The following CLVS1 variants were observed in gnomAD, a reference collection of about 807,000 sequenced individuals.
The protein encoded by CLVS1 is clavesin-1.
CLVS1 carries 10 observed loss-of-function variants against 33.1 expected under a neutral mutation model. The ratio of observed to expected loss-of-function variants is 0.30; its 90% CI spans 0.19 to 0.51. CLVS1 has a LOEUF of 0.51. Among genes scored for constraint, CLVS1 ranks in the 20% least tolerant of loss-of-function variants. The pLI is 0.97. For synonymous variants in CLVS1, 163 were observed against 166.1 expected, an observed-to-expected ratio of 0.98 and a Z score of 0.14; for missense variants, 343 against 433.4, an observed-to-expected ratio of 0.79 and a Z score of 1.85.
At chr8:61,326,948 C>T (rs544339281) in intron 2 of CLVS1, among the ~76,000 whole-genome samples, 2 of 152,136 alleles carry the variant, frequency 1.3e-5, no homozygotes, top group Non-Finnish European at 1.5e-5. Flanking sequence ...TCTCAAAAAC[C>T]GTAAAAACAT....
At chr8:61,148,215 T>A (rs778015302) in intron 2 of CLVS1, among the ~76,000 whole-genome samples, 18 of 152,354 alleles carry the variant, frequency 1.2e-4, no homozygotes, top group Non-Finnish European at 2.5e-4. Flanking sequence ...ATGTGGACTG[T>A]CTCGTAATAT....
At chr8:61,073,417 T>A (rs965417905) in intron 1 of CLVS1, among the ~76,000 whole-genome samples, 2 of 152,178 alleles carry the variant, frequency 1.3e-5, no homozygotes, top group African/African-American at 4.8e-5. Context: ...CATGGAGATA[T>A]GTTGTCATGA....
intron 2 of CLVS1, among the ~76,000 whole-genome samples, chr8:61,269,691 C>A (rs374083602): frequency 0.028 from 4,095 of 146,438 alleles, 97 homozygotes; most frequent in Non-Finnish European, 0.037. Context: ...CTTTTATTTC[C>A]TTGAGCAGTG....
Position 61,299,924 on chromosome 8 carries a change from G to C in CLVS1, c.97G>C (p.Glu33Gln), listed in dbSNP as rs1810369433. The change falls in exon 2 of 6, where the codon GAG becomes CAG. Residue 33 changes from glutamate (E) to glutamine (Q), a missense_variant. Physicochemically the swap from Glu to Gln is conservative, Grantham distance 29. Transcript: ENST00000325897. ...CCATTTACAGGCTGGACTCAGTCCAGAGACTATAGAGAAAGCTCGCCTGGA... is the reference window on the plus strand; with the variant it reads ...CCATTTACAGGCTGGACTCAGTCCACAGACTATAGAGAAAGCTCGCCTGGA... ...MTHLQAGLSP[E>Q]TIEKARLELN... is the part of the protein sequence containing the mutation. The C allele has an allele frequency of 6.2e-7, 1 of 1,614,022 alleles. No individual in the cohort carries two copies. The highest frequency in any genetic ancestry group is 8.5e-7 in the Non-Finnish European group (1 of 1,179,968).
the CLVS1 span, among the ~76,000 whole-genome samples, chr8:60,987,989 A>G: frequency 1.3e-5 from 2 of 152,140 alleles, no homozygotes; most frequent in Non-Finnish European, 2.9e-5. Context: ...TGGGGTGGGG[A>G]GTGAGCCAGG....
chr8:61,451,680 T>G (rs528735246), intron 3 of CLVS1, among the ~76,000 whole-genome samples: 11 of 152,144 alleles, frequency 7.2e-5, no homozygotes, highest in South Asian at 6.2e-4. Context: ...ACTGACAACT[T>G]CCCTTTTGTC....
chr8:61,086,101 A>T (rs894029853), intron 1 of CLVS1, among the ~76,000 whole-genome samples: 1 of 136,996 alleles, frequency 7.3e-6, no homozygotes, highest in Non-Finnish European at 1.5e-5. Context: ...GTGGTGTGTG[A>T]CTGTAATCCC....
intron 2 of CLVS1, among the ~76,000 whole-genome samples, chr8:61,342,058 G>T (rs543345156): frequency 6.6e-6 from 1 of 152,180 alleles, no homozygotes; most frequent in Non-Finnish European, 1.5e-5. Flanking sequence ...TGTTCACAAG[G>T]AAAACACTAG....
At chr8:61,178,150 T>A (rs544782211) in intron 2 of CLVS1, among the ~76,000 whole-genome samples, 8 of 152,188 alleles carry the variant, frequency 5.3e-5, no homozygotes, top group Non-Finnish European at 1.2e-4. Flanking sequence ...GAGAGGAACA[T>A]AAATGACCTC....
chr8:61,331,106 A>G (rs1473688483), intron 2 of CLVS1, among the ~76,000 whole-genome samples: 1 of 152,130 alleles, frequency 6.6e-6, no homozygotes, highest in Admixed American at 6.6e-5. Context: ...AAAACATTGT[A>G]TGGTGTCCTC....
chr8:61,005,405 C>G, the CLVS1 span, among the ~76,000 whole-genome samples: 7 of 147,398 alleles, frequency 4.7e-5, no homozygotes, highest in African/African-American at 1.8e-4. Flanking sequence ...AAGGGAACAA[C>G]AGGGTGGCTT....
intron 2 of CLVS1, among the ~76,000 whole-genome samples, chr8:61,254,187 C>T (rs574608302): frequency 6.6e-6 from 1 of 152,320 alleles, no homozygotes; most frequent in South Asian, 2.1e-4. Context: ...GAGGTCCACT[C>T]CAGACCCTGT....
intron 2 of CLVS1, among the ~76,000 whole-genome samples, chr8:61,171,177 C>A (rs755959639): frequency 6.6e-6 from 1 of 152,034 alleles, no homozygotes; most frequent in Non-Finnish European, 1.5e-5. Flanking sequence ...CATCTTTGAG[C>A]AGATCAGCAA....
the CLVS1 span, among the ~76,000 whole-genome samples, chr8:60,984,473 G>A: frequency 1.3e-5 from 2 of 151,780 alleles, no homozygotes; most frequent in Non-Finnish European, 2.9e-5. Flanking sequence ...GATTACAGGC[G>A]TCCGCCACCA....
chr8:60,978,589 C>T, the CLVS1 span, among the ~76,000 whole-genome samples: 9 of 151,850 alleles, frequency 5.9e-5, no homozygotes, highest in African/African-American at 1.7e-4. Flanking sequence ...CCGAGGCAGG[C>T]GGATCACCTG....
At chr8:61,167,322 G>GT (rs1806893193) in intron 2 of CLVS1, among the ~76,000 whole-genome samples, 1 of 151,806 alleles carries the variant, frequency 6.6e-6, no homozygotes, top group Non-Finnish European at 1.5e-5. Context: ...AGCCTCCAGA[G>GT]TAGGTGCCAC....
chr8:61,397,662 T>C (rs1814581459), intron 3 of CLVS1, among the ~76,000 whole-genome samples: 1 of 152,166 alleles, frequency 6.6e-6, no homozygotes, highest in African/African-American at 2.4e-5. Context: ...CTATAATCTA[T>C]TTTGAGATGA....
intron 5 of CLVS1, among the ~76,000 whole-genome samples, chr8:61,495,646 G>A (rs1464970272): frequency 1.3e-5 from 2 of 152,192 alleles, no homozygotes; most frequent in African/African-American, 4.8e-5. Context: ...TGAGATGGGA[G>A]AGAAATTGTT....
intron 3 of CLVS1, among the ~76,000 whole-genome samples, chr8:61,411,308 T>G (rs1815213946): frequency 6.6e-6 from 1 of 152,214 alleles, no homozygotes; most frequent in Non-Finnish European, 1.5e-5. Flanking sequence ...AGGCAGCCTC[T>G]GCCCACCCTG....
Sources: allele counts gnomAD v4.1 joint callset (sites outside exome capture counted in the v4.1 genomes callset), GRCh38; gene constraint gnomAD v4.1.1; transcripts MANE v1.5; gene names NCBI Gene and HGNC (gene_info 2026-07-23, HGNC 2026-07-21).